NPC1L1: variants seen among roughly 807,000 people sequenced by gnomAD.
NPC1L1 encodes the protein NPC1 like intracellular cholesterol transporter 1.
A neutral mutation model predicts 117.0 loss-of-function variants in NPC1L1; 98 were observed. The observed-to-expected ratio is 0.84, with a 90% CI of 0.71 to 0.99. The LOEUF is 0.99. Ranked by LOEUF, NPC1L1 falls within the 50% of genes least tolerant of loss-of-function variation. The probability of loss-of-function intolerance (pLI) is 0.00; values close to 1 mark genes in which losing one functional copy is unlikely to be tolerated. For missense variants in NPC1L1, 1,540 were observed against 1,710.0 expected (o/e 0.90, Z 1.75); for synonymous variants, 729 against 727.6 (o/e 1.00, Z -0.03).
Position 44,515,878 on chromosome 7 carries a change from G to A in NPC1L1, c.3721C>T (p.Arg1241Cys), listed in dbSNP as rs145729189. The change falls in exon 18 of 19, where the codon CGC becomes TGC. Residue 1241 changes from arginine to cysteine, a missense_variant. Arg to Cys is a radical substitution (Grantham distance 180). Around this residue, in one of 3 missense-constraint regions of NPC1L1, gnomAD observed 742 missense variants for 873.6 expected, o/e 0.85. Coordinates refer to ENST00000381160, the MANE Select transcript of NPC1L1 (RefSeq NM_001101648.2). Reference protein sequence around the residue: ...KAQLIQIFFFRLNLLITLLGL... With the variant: ...KAQLIQIFFFCLNLLITLLGL... ...AGCAGAGTGATCAGGAGGTTGAGGCGGAAGAAGAAGATCTGAATGAGCTGG... is the reference window on the plus strand; with the variant it reads ...AGCAGAGTGATCAGGAGGTTGAGGCAGAAGAAGAAGATCTGAATGAGCTGG... 1.5e-5 allele frequency: 25 copies of A among 1,614,016 alleles called. No individual in the cohort carries two copies. Among genetic ancestry groups the A allele is most frequent in the Middle Eastern group, 1.6e-4 (1 of 6,084 alleles).
chr7:44,537,580 G>A (rs570403762), intron 2 of NPC1L1, among the ~76,000 whole-genome samples: 1 of 152,320 alleles, frequency 6.6e-6, no homozygotes, highest in African/African-American at 2.4e-5. Context: ...CGAAGATGCA[G>A]TGGGACACCT....
In NPC1L1 at chr7:44,536,948, G is replaced by C. The variant is rs534710579; in HGVS notation, c.1581-6C>G. On this transcript the variant is annotated splice_region_variant and splice_polypyrimidine_tract_variant and intron_variant, in intron 2 of 18. Coordinates refer to ENST00000381160, the MANE Select transcript of NPC1L1 (RefSeq NM_001101648.2). This position sits in a 1 kb window ranked among gnomAD's most constrained non-coding sequence, Gnocchi z 4.7. The stretch of plus-strand genomic sequence containing the variant: ...CCTTGAAGGTGAGCGGGGCACTAGA[G>C]GGAGATGACCGCAAAGGGAAAGGGC... The C allele has an allele frequency of 1.3e-4, 213 of 1,612,806 alleles. No homozygotes were observed. In the Admixed American group the frequency reaches 1.8e-3, roughly 14 times the overall value.
chr7:44,533,328 C>G lies in NPC1L1; in HGVS notation c.2409+103G>C, dbSNP rs560124917. 5 of 1,418,394 alleles carry G rather than the reference C, an allele frequency of 3.5e-6. No homozygotes were observed. The South Asian group carries it at 5.9e-5, about 17-fold the overall frequency. The allele number at this position is 1,418,394 out of a possible 1,614,324, so 87.9% of individuals were successfully genotyped here. Reference sequence around the variant, plus strand: ...CCTGGCACAATGCCCCTGTCCCCCACCCCATTCTCTGGGCCATCTCTGTGG... The same window carrying G: ...CCTGGCACAATGCCCCTGTCCCCCAGCCCATTCTCTGGGCCATCTCTGTGG... On this transcript the variant is annotated intron_variant, in intron 8 of 18. Transcript: ENST00000381160.
chr7:44,516,663 C>A (rs770891484), intron 16 of NPC1L1, 40 bp downstream of exon 16: 3 of 1,508,918 alleles, frequency 2.0e-6, no homozygotes. Flanking sequence ...CCCCAACCAC[C>A]CCTCCAGAGG....
In NPC1L1 at chr7:44,539,275, T is replaced by A; in HGVS notation, c.1122A>T (p.Glu374Asp). ...ACAGCTCCACGGGGTCCGTAGTGAG[T>A]TCTGTAAAGACCAGGCCCGCTGCCA... ...VALAAGLVFT[E>D]LTTDPVELWS... The change falls in exon 2 of 19, where the codon GAA (glutamate) becomes GAT (aspartate). Residue 374 changes from glutamate (E) to aspartate (D), a missense_variant. Transcript: ENST00000381160. The surrounding 1 kb of genome is among the most constrained non-coding windows in gnomAD (Gnocchi z 4.4). 6.2e-7 allele frequency: 1 copy of A among 1,613,646 alleles called. No homozygotes were observed. The highest frequency in any genetic ancestry group is 1.1e-5 in the South Asian group (1 of 91,042).
Position 44,522,087 on chromosome 7 carries a change from G to C in NPC1L1, c.2793C>G (p.Thr931=). 2 of 1,613,988 alleles carry C rather than the reference G, an allele frequency of 1.2e-6. No homozygotes were observed. Among genetic ancestry groups the C allele is most frequent in the Non-Finnish European group, 8.5e-7 (1 of 1,179,952 alleles). Reference sequence around the variant, plus strand: ...ACTCTGTGGCATACTGGATCTTCTGGGTGAAGGAGAAGTTGTTGCAGCCTG... The same window carrying C: ...ACTCTGTGGCATACTGGATCTTCTGCGTGAAGGAGAAGTTGTTGCAGCCTG... ...SSAGCNNFSF[T]QKIQYATEFP... The change falls in exon 11 of 19, where the codon ACC becomes ACG. Residue 931 remains threonine (T), a synonymous_variant. Transcript: ENST00000381160.
intron 14 of NPC1L1, chr7:44,518,611 G>A: frequency 2.9e-6 from 2 of 685,632 alleles, no homozygotes; most frequent in South Asian, 1.6e-5. Flanking sequence ...AGAGGTTGCA[G>A]TGAGCCGAGA....
intron 10 of NPC1L1, among the ~76,000 whole-genome samples, chr7:44,526,992 C>G (rs982248717): frequency 6.6e-6 from 1 of 151,848 alleles, no homozygotes; most frequent in Non-Finnish European, 1.5e-5. Context: ...CCATTGTACT[C>G]CAGCCTGGGC....
chr7:44,533,189 A>G, intron 8 of NPC1L1: 1 of 431,726 alleles, frequency 2.3e-6, no homozygotes, highest in African/African-American at 2.0e-5. Flanking sequence ...GGTCAACTGT[A>G]TTTTATTTCT....
At position 44,516,775 on chromosome 7, in the gene NPC1L1, G is replaced by A. The variant is rs201578123; in HGVS notation, c.3447C>T (p.Leu1149=). 7.4e-6 allele frequency: 12 copies of A among 1,613,994 alleles called. No homozygotes were observed. The highest frequency in any genetic ancestry group is 4.4e-5 in the South Asian group (4 of 91,042). Residue 1149 remains leucine (L), a synonymous_variant, in exon 16 of 19, where the codon CTC becomes CTT. Transcript: ENST00000381160. ...GGGCCATGAAGCCGACAGTGTCCAC[G>A]AGGATCATGACAATGGAGAGCAGGT... The part of the protein sequence containing the change: ...LLNLLSIVMI[L]VDTVGFMALW...
rs758989515 is a variant in NPC1L1, at chr7:44,539,347, C to T, written c.1050G>A (p.Ser350=). 10 of 1,613,232 alleles carry T rather than the reference C, an allele frequency of 6.2e-6. No individual in the cohort carries two copies. The highest frequency in any genetic ancestry group is 3.3e-5 in the South Asian group (3 of 91,074). ...ATAGCACCAAGATGGTCAGAGGCCA[C>T]GAAGCCACCCACGTGCCCCAGCCCT... ...FFQGWGTWVA[S]WPLTILVLSV... Residue 350 remains serine (S), a synonymous_variant, in exon 2 of 19, where the codon TCG becomes TCA. Transcript: ENST00000381160. The surrounding 1 kb of genome is among the most constrained non-coding windows in gnomAD (Gnocchi z 4.4).
chr7:44,532,047 C>CCCCTG (rs1188318061), intron 9 of NPC1L1, 33 bp downstream of exon 9: 10 of 1,613,944 alleles, frequency 6.2e-6, no homozygotes, highest in Middle Eastern at 1.6e-4. Flanking sequence ...CCACCTAGTG[C>CCCCTG]CCCTGCTCTC....
At chr7:44,516,285 G>A in intron 16 of NPC1L1, 88 bp from the exon 17 acceptor site, 1 of 1,116,760 alleles carries the variant, frequency 9.0e-7, no homozygotes, top group Non-Finnish European at 1.3e-6. Context: ...CCAGCGTGGG[G>A]CAGGCATCTA....
intron 14 of NPC1L1, among the ~76,000 whole-genome samples, chr7:44,520,488 A>G (rs1801319598): frequency 6.6e-6 from 1 of 152,194 alleles, no homozygotes; most frequent in African/African-American, 2.4e-5. Flanking sequence ...TGCTGGTAAG[A>G]AAGGTGCTTA....
At chr7:44,518,017 G>C (rs1801241628) in intron 14 of NPC1L1, among the ~76,000 whole-genome samples, 2 of 151,826 alleles carry the variant, frequency 1.3e-5, no homozygotes, top group South Asian at 4.2e-4. Context: ...TTGGGGGGCT[G>C]AGGCAGGAGA....
intron 14 of NPC1L1, among the ~76,000 whole-genome samples, chr7:44,520,528 T>C (rs1020967472): frequency 9.2e-5 from 14 of 152,086 alleles, no homozygotes; most frequent in African/African-American, 3.4e-4. Context: ...CCAAGTATGG[T>C]ATCAACTGCT....
rs762902535 is a variant in NPC1L1, at chr7:44,539,218, C to G, written c.1179G>C (p.Glu393Asp). 8 of 1,614,128 alleles carry G rather than the reference C, an allele frequency of 5.0e-6. No individual in the cohort carries two copies. The South Asian group carries it at 8.8e-5, about 18-fold the overall frequency. Residue 393 changes from glutamate (E) to aspartate (D), a missense_variant, in exon 2 of 19, where the codon GAG becomes GAC. Coordinates refer to ENST00000381160, the MANE Select transcript of NPC1L1 (RefSeq NM_001101648.2). This position sits in a 1 kb window ranked among gnomAD's most constrained non-coding sequence, Gnocchi z 4.4. Reference protein sequence around the residue: ...WSAPNSQARSEKAFHDQHFGP... With the variant: ...WSAPNSQARSDKAFHDQHFGP... The stretch of plus-strand genomic sequence containing the variant: ...CGAAATGCTGGTCATGGAAAGCTTT[C>G]TCACTCCGGGCTTGGCTGTTGGGGG...
chr7:44,539,279 G>C lies in NPC1L1; in HGVS notation c.1118C>G (p.Thr373Arg), dbSNP rs1465944670. 36 of 1,613,970 alleles carry C rather than the reference G, an allele frequency of 2.2e-5. No homozygotes were observed. Among genetic ancestry groups the C allele is most frequent in the Non-Finnish European group, 2.8e-5 (33 of 1,180,034 alleles). The change falls in exon 2 of 19, where the codon ACA (threonine) becomes AGA (arginine). Residue 373 changes from threonine to arginine, a missense_variant. Thr to Arg is a moderately conservative substitution (Grantham distance 71). This residue lies in a region of NPC1L1 where 793 missense variants were observed against 820.4 expected (regional missense o/e 0.97). Coordinates refer to ENST00000381160, the MANE Select transcript of NPC1L1 (RefSeq NM_001101648.2). The surrounding 1 kb of genome is among the most constrained non-coding windows in gnomAD (Gnocchi z 4.4). Reference sequence around the variant, plus strand: ...CTCCACGGGGTCCGTAGTGAGTTCTGTAAAGACCAGGCCCGCTGCCAAGGC... The same window carrying C: ...CTCCACGGGGTCCGTAGTGAGTTCTCTAAAGACCAGGCCCGCTGCCAAGGC... ...VVALAAGLVF[T>R]ELTTDPVELW...
At chr7:44,531,472 A>G (rs1421780642) in intron 10 of NPC1L1, among the ~76,000 whole-genome samples, 3 of 152,202 alleles carry the variant, frequency 2.0e-5, no homozygotes, top group African/African-American at 4.8e-5. Flanking sequence ...CACTCAGCAA[A>G]GTGGCAGTCA....
Sources: allele counts gnomAD v4.1 joint callset (sites outside exome capture counted in the v4.1 genomes callset), GRCh38; gene constraint gnomAD v4.1.1; regional missense constraint gnomAD v4.1.1; non-coding constraint Gnocchi (gnomAD v3.1); transcripts MANE v1.5; gene names NCBI Gene and HGNC (gene_info 2026-07-23, HGNC 2026-07-21).